TMPRSS12: variants seen among roughly 807,000 people sequenced by gnomAD.
The protein encoded by TMPRSS12 is transmembrane serine protease 12, also known as transmembrane protease serine 12.
In TMPRSS12, 25 loss-of-function variants were observed where a neutral mutation model predicts 26.0. That is an observed-to-expected ratio of 0.96 (90% CI 0.70 to 1.34). TMPRSS12 has a LOEUF of 1.34. Among genes scored for constraint, TMPRSS12 ranks in the 40% most tolerant of loss-of-function variants. The pLI is 0.00. For synonymous variants in TMPRSS12, 150 were observed against 161.7 expected (o/e 0.93, Z 0.55); for missense variants, 441 against 440.1 (o/e 1.00, Z -0.02).
At chr12:50,886,381 C>T (rs1323515031) in intron 4 of TMPRSS12, 1 of 152,034 alleles carries the variant, frequency 6.6e-6, no homozygotes, top group African/African-American at 2.4e-5. Context: ...TTCACTATTT[C>T]CAAAGCTACT....
intron 3 of TMPRSS12, among the ~76,000 whole-genome samples, chr12:50,865,566 T>G (rs1000275469): frequency 2.0e-5 from 3 of 152,114 alleles, no homozygotes; most frequent in African/African-American, 7.2e-5. Flanking sequence ...GAGGCAATAT[T>G]CAATGGATTT....
intron 3 of TMPRSS12, among the ~76,000 whole-genome samples, chr12:50,862,050 C>T (rs563371349): frequency 1.1e-4 from 17 of 152,258 alleles, no homozygotes; most frequent in African/African-American, 3.8e-4. Flanking sequence ...CCTCGTGATC[C>T]ACCTGCCTCG....
intron 2 of TMPRSS12, among the ~76,000 whole-genome samples, chr12:50,852,679 A>G (rs1937837190): frequency 6.6e-6 from 1 of 152,252 alleles, no homozygotes; most frequent in East Asian, 1.9e-4. Flanking sequence ...TACCGGAATT[A>G]CAGGCATGAG....
intron 2 of TMPRSS12, among the ~76,000 whole-genome samples, chr12:50,857,811 TGTTGTC>T (rs879804896): frequency 0.026 from 3,172 of 124,320 alleles, 39 homozygotes; most frequent in Non-Finnish European, 0.033. Flanking sequence ...TTGTTGTCGT[TGTTGTC>T]GTTGTTGTTG....
Position 50,843,101 on chromosome 12 carries a change from C to T in TMPRSS12, c.137C>T (p.Ala46Val). 2 of 1,580,176 alleles carry T rather than the reference C, an allele frequency of 1.3e-6. No individual in the cohort carries two copies. The highest frequency in any genetic ancestry group is 1.7e-6 in the Non-Finnish European group (2 of 1,163,234). The change falls in exon 1 of 5, where the codon GCC (alanine) becomes GTC (valine). Residue 46 changes from alanine to valine, a missense_variant. Coordinates refer to ENST00000398458, the MANE Select transcript of TMPRSS12 (RefSeq NM_182559.3). Reference sequence around the variant, plus strand: ...GCGGCTAGTTCCCAGCAGGCTGAGGCCGTCCGCAAGAGGCTCCGGCGGCGG... The same window carrying T: ...GCGGCTAGTTCCCAGCAGGCTGAGGTCGTCCGCAAGAGGCTCCGGCGGCGG... ...EPAASSQQAE[A>V]VRKRLRRRRE...
At chr12:50,855,394 C>G (rs1045417708) in intron 2 of TMPRSS12, among the ~76,000 whole-genome samples, 1 of 151,958 alleles carries the variant, frequency 6.6e-6, no homozygotes, top group African/African-American at 2.4e-5. Flanking sequence ...TTAAAATGAG[C>G]GAAGGACATG....
At chr12:50,872,739 T>C (rs537519641) in intron 3 of TMPRSS12, among the ~76,000 whole-genome samples, 3 of 112,416 alleles carry the variant, frequency 2.7e-5, no homozygotes, top group African/African-American at 1.1e-4. Flanking sequence ...TATGTACATA[T>C]ATATACGTCT....
At chr12:50,875,119 C>G (rs1938100709) in intron 3 of TMPRSS12, among the ~76,000 whole-genome samples, 1 of 151,998 alleles carries the variant, frequency 6.6e-6, no homozygotes, top group South Asian at 2.1e-4. Flanking sequence ...CAAAAAGAGC[C>G]CAAGTAGCCA....
intron 3 of TMPRSS12, among the ~76,000 whole-genome samples, chr12:50,867,608 A>G (rs913837623): frequency 1.3e-5 from 2 of 152,254 alleles, no homozygotes; most frequent in African/African-American, 4.8e-5. Context: ...ACATCCAAAT[A>G]CAAGAAGCAC....
At chr12:50,859,933 T>C (rs766454554) in intron 3 of TMPRSS12, among the ~76,000 whole-genome samples, 7 of 152,254 alleles carry the variant, frequency 4.6e-5, no homozygotes, top group Non-Finnish European at 1.0e-4. Context: ...TATCACTTTA[T>C]GCCATGAGAT....
chr12:50,886,424 C>T (rs1377207180), intron 4 of TMPRSS12: 1 of 152,190 alleles, frequency 6.6e-6, no homozygotes, highest in East Asian at 1.9e-4. Context: ...CATGCTCTCA[C>T]CTTTTCCTAC....
intron 2 of TMPRSS12, among the ~76,000 whole-genome samples, chr12:50,845,924 T>C (rs1399675056): frequency 6.6e-6 from 1 of 152,250 alleles, no homozygotes; most frequent in Non-Finnish European, 1.5e-5. Context: ...TATTGGCCAT[T>C]TGTATATCTT....
intron 2 of TMPRSS12, among the ~76,000 whole-genome samples, chr12:50,856,266 C>T (rs1005296812): frequency 2.0e-5 from 3 of 152,156 alleles, no homozygotes; most frequent in Non-Finnish European, 4.4e-5. Context: ...TGCTCCTTCT[C>T]ATCATGCAAT....
At chr12:50,867,343 A>G (rs904620960) in intron 3 of TMPRSS12, among the ~76,000 whole-genome samples, 11 of 152,230 alleles carry the variant, frequency 7.2e-5, no homozygotes, top group African/African-American at 2.2e-4. Context: ...TGCTCTGGAA[A>G]GTCTCTGCAA....
intron 3 of TMPRSS12, among the ~76,000 whole-genome samples, chr12:50,869,150 C>A (rs1425781634): frequency 1.4e-5 from 2 of 146,352 alleles, no homozygotes; most frequent in African/African-American, 2.5e-5. Flanking sequence ...CAACGAAGAT[C>A]AGAGCAGAAC....
At chr12:50,859,190 A>C in intron 3 of TMPRSS12, 137 bp downstream of exon 3, 1 of 799,100 alleles carries the variant, frequency 1.3e-6, no homozygotes, top group Non-Finnish European at 1.8e-6. Flanking sequence ...GGTGGTCTAT[A>C]AGATTATTTT....
chr12:50,875,489 C>CAAAAA (rs56816598), intron 3 of TMPRSS12, among the ~76,000 whole-genome samples: 903 of 69,428 alleles, frequency 0.013, 37 homozygotes, highest in African/African-American at 0.048. Flanking sequence ...GACTCCATCT[C>CAAAAA]AAAAAAAAAA....
intron 2 of TMPRSS12, among the ~76,000 whole-genome samples, chr12:50,852,113 C>T (rs1159648533): frequency 6.6e-6 from 1 of 152,154 alleles, no homozygotes; most frequent in Admixed American, 6.5e-5. Flanking sequence ...ATACATAGAC[C>T]ATTGACACTA....
At chr12:50,883,261 G>T (rs530918671) in intron 3 of TMPRSS12, among the ~76,000 whole-genome samples, 5 of 152,252 alleles carry the variant, frequency 3.3e-5, no homozygotes, top group African/African-American at 1.2e-4. Context: ...AGCCCAGGAG[G>T]TTGAGGCTGT....
Sources: allele counts gnomAD v4.1 joint callset (sites outside exome capture counted in the v4.1 genomes callset), GRCh38; gene constraint gnomAD v4.1.1; transcripts MANE v1.5; gene names NCBI Gene and HGNC (gene_info 2026-07-23, HGNC 2026-07-21).